The following PCDHA5 variants were observed in gnomAD, a reference collection of about 807,000 sequenced individuals.
The protein encoded by PCDHA5 is protocadherin alpha 5, also known as protocadherin alpha-5.
PCDHA5 carries 43 observed loss-of-function variants against 61.6 expected under a neutral mutation model. The ratio of observed to expected loss-of-function variants is 0.70; its 90% CI spans 0.55 to 0.90. PCDHA5 has a LOEUF of 0.90. Among genes scored for constraint, PCDHA5 ranks in the 40% least tolerant of loss-of-function variants. PCDHA5 has a pLI of 0.00. For synonymous variants in PCDHA5, 627 were observed against 543.9 expected (o/e 1.15, Z -2.13); for missense variants, 1,298 against 1,222.7 (o/e 1.06, Z -0.92).
At chr5:140,956,195 G>A (rs1324151692) in intron 1 of PCDHA5, among the ~76,000 whole-genome samples, 1 of 152,178 alleles carries the variant, frequency 6.6e-6, no homozygotes, top group Non-Finnish European at 1.5e-5. Flanking sequence ...CTGAATAGGA[G>A]TGGTGAAAGA....
At chr5:140,875,758 T>C (rs1562702075) in intron 1 of PCDHA5, 1 of 1,614,186 alleles carries the variant, frequency 6.2e-7, no homozygotes. Context: ...CGAGAAGCTG[T>C]GCGGGCGGAG....
intron 1 of PCDHA5, 40 bp downstream of exon 1, chr5:140,824,167 T>G: frequency 6.2e-7 from 1 of 1,610,732 alleles, no homozygotes; most frequent in Non-Finnish European, 8.5e-7. Flanking sequence ...TCCCTCCCAA[T>G]TTTCAAATAT....
intron 1 of PCDHA5, among the ~76,000 whole-genome samples, chr5:140,925,799 C>G (rs1200619545): frequency 6.6e-6 from 1 of 151,996 alleles, no homozygotes; most frequent in Non-Finnish European, 1.5e-5. Flanking sequence ...CAGTACTTTC[C>G]CCTCCACTTC....
intron 1 of PCDHA5, chr5:140,866,411 A>G (rs2049340937): frequency 6.6e-6 from 1 of 152,118 alleles, no homozygotes; most frequent in African/African-American, 2.4e-5. Context: ...GAAAATCTTC[A>G]AATGTGTGTA....
chr5:140,887,802 T>A (rs2061588161), intron 1 of PCDHA5, among the ~76,000 whole-genome samples: 1 of 152,198 alleles, frequency 6.6e-6, no homozygotes, highest in Non-Finnish European at 1.5e-5. Context: ...TTTATTTTTG[T>A]CCATTTCTTT....
At chr5:140,979,548 C>A (rs2153819465) in intron 2 of PCDHA5, among the ~76,000 whole-genome samples, 1 of 152,286 alleles carries the variant, frequency 6.6e-6, no homozygotes, top group African/African-American at 2.4e-5. Context: ...TGACATGGTT[C>A]TTCAGAAGAT....
chr5:140,986,413 C>G (rs2097199513), intron 3 of PCDHA5, among the ~76,000 whole-genome samples: 1 of 152,156 alleles, frequency 6.6e-6, no homozygotes, highest in African/African-American at 2.4e-5. Context: ...TGTTACAGCT[C>G]TTTTTAACTT....
chr5:140,848,730 C>T (rs1554142389), intron 1 of PCDHA5: 1 of 1,592,676 alleles, frequency 6.3e-7, no homozygotes, highest in Admixed American at 1.7e-5. Flanking sequence ...GGAGGTAAAT[C>T]TGCAGAATGG....
intron 3 of PCDHA5, among the ~76,000 whole-genome samples, chr5:140,994,726 G>T (rs774837274): frequency 3.0e-4 from 45 of 151,958 alleles, no homozygotes; most frequent in Non-Finnish European, 3.7e-4. Flanking sequence ...TAAAATACTG[G>T]GTATTGCAGG....
At chr5:140,850,839 T>A in intron 1 of PCDHA5, 1 of 1,597,606 alleles carries the variant, frequency 6.3e-7, no homozygotes, top group Non-Finnish European at 8.6e-7. Context: ...TTGTGCTGGA[T>A]CTACAGAGCG....
intron 1 of PCDHA5, chr5:140,929,043 C>T: frequency 6.2e-7 from 1 of 1,614,196 alleles, no homozygotes; most frequent in South Asian, 1.1e-5. Flanking sequence ...GCGCTCAGAG[C>T]TGCTGTCGCT....
At position 140,902,128 on chromosome 5, in the gene PCDHA5, A is replaced by T. The variant is rs140093707; in HGVS notation, c.2353-76821A>T. On this transcript the variant is annotated intron_variant, in intron 1 of 3. Transcript: ENST00000529859. ...ATTTTTTTAAAACTGAGATTATATC[A>T]TCTGCAAACAAGGATAATTTGATTT... Among the ~76,000 whole-genome samples the T allele has an allele frequency of 8.6e-3, 1,299 of 150,978 alleles. 13 individuals are homozygous for T. Among genetic ancestry groups the T allele is most frequent in the African/African-American group, 0.03 (1,241 of 41,218 alleles).
intron 1 of PCDHA5, among the ~76,000 whole-genome samples, chr5:140,826,932 G>A (rs145132526): frequency 7.3e-4 from 111 of 152,266 alleles, no homozygotes; most frequent in African/African-American, 2.6e-3. Context: ...ATGGACTTAG[G>A]TGGATGTGGA....
rs2150124281 is a variant in PCDHA5, at chr5:140,823,276, C to T, written c.1501C>T (p.Arg501Cys). The T allele has an allele frequency of 1.9e-6, 3 of 1,612,052 alleles. No individual in the cohort carries two copies. Among genetic ancestry groups the T allele is most frequent in the Non-Finnish European group, 2.5e-6 (3 of 1,179,752 alleles). ...GCTGGTGGAGCGGCGGGTGGGCGAGCGCCCGCTGTCGAGTTACGTTTCGGT... is the reference window on the plus strand; with the variant it reads ...GCTGGTGGAGCGGCGGGTGGGCGAGTGCCCGCTGTCGAGTTACGTTTCGGT... ...YSLVERRVGERPLSSYVSVHA... is the reference protein window; with the variant it reads ...YSLVERRVGECPLSSYVSVHA... Residue 501 changes from arginine (R) to cysteine (C), a missense_variant, in exon 1 of 4, where the codon CGC (arginine) becomes TGC (cysteine). Physicochemically the swap from Arg to Cys is radical, Grantham distance 180. Transcript: ENST00000529859.
chr5:140,882,898 A>T lies in PCDHA5; in HGVS notation c.2352+58771A>T, dbSNP rs781828373. 6 of 1,614,100 alleles carry T rather than the reference A, an allele frequency of 3.7e-6. No individual in the cohort carries two copies. In the Admixed American group the frequency reaches 5.0e-5, roughly 13 times the overall value. On this transcript the variant is annotated intron_variant, in intron 1 of 3. Coordinates refer to ENST00000529859, the MANE Select transcript of PCDHA5 (RefSeq NM_018908.3). ...GAGAGGAAATTCAGGAACATAGTTT[A>T]TTACTGACAGCCAGTGATGGAGGTA...
intron 1 of PCDHA5, among the ~76,000 whole-genome samples, chr5:140,916,805 A>G (rs560427769): frequency 6.6e-6 from 1 of 152,152 alleles, no homozygotes; most frequent in Non-Finnish European, 1.5e-5. Context: ...ATGACTTCCT[A>G]GGTCATGTGC....
intron 3 of PCDHA5, among the ~76,000 whole-genome samples, chr5:141,007,375 A>G (rs2098319986): frequency 6.8e-6 from 1 of 146,418 alleles, no homozygotes; most frequent in Non-Finnish European, 1.5e-5. Context: ...ACATGATGGA[A>G]CACCATCTCT....
rs17844294 is a variant in PCDHA5 at position 140,823,179 on chromosome 5, G to A, written c.1404G>A (p.Pro468=). The change falls in exon 1 of 4, where the codon CCG becomes CCA. Residue 468 remains proline, a synonymous_variant. Transcript: ENST00000529859. ...CCGTGTTCGTGAAGGAGAACAACCC[G>A]CCAGGCTGCCACATCTTCACGGTGT... ...QYTVFVKENN[P]PGCHIFTVSA... 12 of 1,613,914 alleles carry A rather than the reference G, an allele frequency of 7.4e-6. No individual in the cohort carries two copies. The East Asian group carries it at 1.6e-4, about 21-fold the overall frequency.
intron 1 of PCDHA5, chr5:140,850,430 G>C (rs1346427061): frequency 1.9e-6 from 3 of 1,597,884 alleles, no homozygotes; most frequent in Non-Finnish European, 1.7e-6. Context: ...CACCGCGCCA[G>C]CGCCTACTGG....
Sources: gnomAD v4.1 joint callset for allele counts (sites outside exome capture counted in the v4.1 genomes callset) on GRCh38, gnomAD v4.1.1 for gene constraint, MANE v1.5 for transcripts, NCBI Gene and HGNC (gene_info 2026-07-23, HGNC 2026-07-21) for gene names.